Variants in TBX15 observed in about 807,000 individuals in gnomAD.
The protein encoded by TBX15 is T-box transcription factor TBX15.
A neutral mutation model predicts 53.9 loss-of-function variants in TBX15; 18 were observed. That is an observed-to-expected ratio of 0.33 (90% CI 0.23 to 0.49). The LOEUF (loss-of-function observed/expected upper bound fraction) is 0.49, where lower values mean the gene tolerates loss of function less well. Among genes scored for constraint, TBX15 ranks in the 20% least tolerant of loss-of-function variants. The pLI is 0.98. For synonymous variants in TBX15, 295 were observed against 278.0 expected (o/e 1.06, Z -0.61); for missense variants, 692 against 749.5 (o/e 0.92, Z 0.90).
At chr1:118,955,806 T>A (rs192995374) in intron 1 of TBX15, among the ~76,000 whole-genome samples, 32 of 152,314 alleles carry the variant, frequency 2.1e-4, no homozygotes, top group African/African-American at 7.2e-4. Flanking sequence ...AACAGCCCAC[T>A]CTTCCCTATG....
chr1:118,892,859 C>T (rs1654194623), intron 7 of TBX15, among the ~76,000 whole-genome samples: 1 of 152,090 alleles, frequency 6.6e-6, no homozygotes, highest in Admixed American at 6.6e-5. Context: ...TTACTCACTC[C>T]TCATATTATA....
intron 1 of TBX15, among the ~76,000 whole-genome samples, chr1:118,939,442 A>AAAAAAC (rs1656090809): frequency 1.4e-5 from 2 of 140,946 alleles, no homozygotes; most frequent in African/African-American, 2.7e-5. Context: ...AAAAACAAAA[A>AAAAAAC]CAGGAACAGA....
chr1:118,938,678 A>G (rs1349974217), intron 1 of TBX15, among the ~76,000 whole-genome samples: 4 of 152,160 alleles, frequency 2.6e-5, no homozygotes, highest in African/African-American at 9.7e-5. Flanking sequence ...TTCTCTTTCT[A>G]ATAATAGCCA....
chr1:118,985,457 C>T (rs1657799775), intron 1 of TBX15, among the ~76,000 whole-genome samples: 1 of 152,208 alleles, frequency 6.6e-6, no homozygotes, highest in African/African-American at 2.4e-5. Context: ...CCTGGACCGC[C>T]GCGTCTCCAC....
At chr1:118,899,261 G>A (rs1022259231) in intron 6 of TBX15, 136 bp from the exon 7 acceptor site, 23 of 826,370 alleles carry the variant, frequency 2.8e-5, no homozygotes, top group East Asian at 1.9e-4. Flanking sequence ...AGGTAAATTC[G>A]GGTGAAAAAA....
At chr1:118,895,370 T>C (rs1025922786) in intron 7 of TBX15, among the ~76,000 whole-genome samples, 2 of 152,162 alleles carry the variant, frequency 1.3e-5, no homozygotes. Context: ...GAACAACAGT[T>C]ATCAAATAGC....
intron 6 of TBX15, among the ~76,000 whole-genome samples, chr1:118,901,667 A>G (rs963232622): frequency 2.0e-5 from 3 of 152,204 alleles, no homozygotes; most frequent in Admixed American, 6.5e-5. Flanking sequence ...GTCATCTACT[A>G]TAACTCTTAT....
chr1:118,908,912 C>T (rs1190854047), intron 6 of TBX15, among the ~76,000 whole-genome samples: 2 of 137,388 alleles, frequency 1.5e-5, no homozygotes, highest in Non-Finnish European at 3.2e-5. Flanking sequence ...CATACGCACA[C>T]TCAACATTCA....
chr1:118,891,576 C>G (rs932997419), intron 7 of TBX15, among the ~76,000 whole-genome samples: 3 of 152,088 alleles, frequency 2.0e-5, no homozygotes, highest in African/African-American at 7.2e-5. Flanking sequence ...CATCATATTC[C>G]CCCCTACCAC....
intron 1 of TBX15, among the ~76,000 whole-genome samples, chr1:118,952,564 G>C (rs1042489579): frequency 6.6e-6 from 1 of 151,986 alleles, no homozygotes; most frequent in Non-Finnish European, 1.5e-5. Flanking sequence ...TTTTTTATAA[G>C]ACATTTTACA....
chr1:118,945,313 C>G (rs1281535261), intron 1 of TBX15, among the ~76,000 whole-genome samples: 1 of 152,058 alleles, frequency 6.6e-6, no homozygotes, highest in Non-Finnish European at 1.5e-5. Flanking sequence ...ACAGTCCCCC[C>G]AAAATTGTAA....
At chr1:118,987,504 G>A in intron 1 of TBX15, 87 bp downstream of exon 1, 1 of 1,420,090 alleles carries the variant, frequency 7.0e-7, no homozygotes, top group East Asian at 2.5e-5. Context: ...GTCAATGGCA[G>A]GGCCTAGCTC....
At chr1:118,922,109 T>A (rs1252095907) in intron 5 of TBX15, among the ~76,000 whole-genome samples, 1 of 152,188 alleles carries the variant, frequency 6.6e-6, no homozygotes, top group Non-Finnish European at 1.5e-5. Context: ...GAATGTTAAA[T>A]AAGCATGCTT....
In TBX15 at chr1:118,893,485, G is replaced by GGAAGGAAAGAAAGAAAGAAA. The variant is rs1439212107; in HGVS notation, c.1024+5542_1024+5543insTTTCTTTCTTTCTTTCCTTC. ...GGAAAGAAAGGAAGGAAGGAAGGAAGGAAAGAAAGAAAGAAAGAAAGAAAG... is the reference window on the plus strand; with the variant it reads ...GGAAAGAAAGGAAGGAAGGAAGGAAGGAAGGAAAGAAAGAAAGAAAGAAAGAAAGAAAGAAAGAAAGAAAG... On this transcript the variant is annotated intron_variant, in intron 7 of 7. Transcript: ENST00000369429. Among the ~76,000 whole-genome samples the GGAAGGAAAGAAAGAAAGAAA allele has an allele frequency of 9.7e-5, 7 of 72,122 alleles. No individual in the cohort carries two copies. The East Asian group carries it at 1.6e-3, about 16-fold the overall frequency. 47.3% of individuals were successfully genotyped at this position (72,122 alleles called of 152,430 possible).
chr1:118,922,025 G>A (rs934214573), intron 5 of TBX15, among the ~76,000 whole-genome samples: 3 of 152,168 alleles, frequency 2.0e-5, no homozygotes, highest in African/African-American at 4.8e-5. Flanking sequence ...GGATTCCTGG[G>A]GGAAAGACCC....
At chr1:118,893,843 T>C (rs1241839511) in intron 7 of TBX15, among the ~76,000 whole-genome samples, 1 of 152,236 alleles carries the variant, frequency 6.6e-6, no homozygotes, top group Non-Finnish European at 1.5e-5. Flanking sequence ...TATTCACTTA[T>C]TCAATCACTA....
At chr1:118,973,959 A>T (rs1657335928) in intron 1 of TBX15, among the ~76,000 whole-genome samples, 1 of 152,198 alleles carries the variant, frequency 6.6e-6, no homozygotes, top group Non-Finnish European at 1.5e-5. Context: ...GCACAGTTGT[A>T]CCAGATGGGA....
At position 118,914,127 on chromosome 1, in the gene TBX15, G is replaced by C. The variant is rs1440996736; in HGVS notation, c.914C>G (p.Ser305Cys). ...RNPFAKGFRD[S>C]GRNRTGLEAI... is the part of the protein sequence containing the mutation. ...CAGTGATTCTTACCTGTTTCTCCCA[G>C]AATCTCTGAATCCTTTAGCAAAAGG... is the stretch of plus-strand genomic sequence containing the variant. Residue 305 changes from serine (S) to cysteine (C), a missense_variant, in exon 6 of 8, where the codon TCT (serine) becomes TGT (cysteine). Ser to Cys is a moderately radical substitution (Grantham distance 112). Around this residue, in one of 3 missense-constraint regions of TBX15, gnomAD observed 375 missense variants for 371.6 expected, o/e 1.01. Transcript: ENST00000369429. 1 of 1,613,642 alleles carries C rather than the reference G, an allele frequency of 6.2e-7. No individual in the cohort carries two copies. The highest frequency in any genetic ancestry group is 1.3e-5 in the African/African-American group (1 of 74,890).
At chr1:118,889,083 CA>C (rs944164084) in intron 7 of TBX15, among the ~76,000 whole-genome samples, 11 of 152,072 alleles carry the variant, frequency 7.2e-5, no homozygotes, top group Non-Finnish European at 1.3e-4. Flanking sequence ...GTGAAGCCTC[CA>C]TATGAACTAG....
Sources: gnomAD v4.1 joint callset for allele counts (sites outside exome capture counted in the v4.1 genomes callset) on GRCh38, gnomAD v4.1.1 for gene constraint, gnomAD v4.1.1 regional missense constraint, MANE v1.5 for transcripts, NCBI Gene and HGNC (gene_info 2026-07-23, HGNC 2026-07-21) for gene names.